The following DSG4 variants were observed in gnomAD, a reference collection of about 807,000 sequenced individuals.
The protein encoded by DSG4 is desmoglein-4.
DSG4 carries 87 observed loss-of-function variants against 93.1 expected under a neutral mutation model. That is an observed-to-expected ratio of 0.93 (90% confidence interval 0.79 to 1.12). The LOEUF is 1.12. Ranked by LOEUF, DSG4 falls within the 50% of genes most tolerant of loss-of-function variation. The pLI, the probability that DSG4 is intolerant of heterozygous loss-of-function variation, is 0.00. For synonymous variants in DSG4, 432 were observed against 452.9 expected (o/e 0.95, Z 0.59); for missense variants, 1,373 against 1,285.7 (o/e 1.07, Z -1.04).
chr18:31,403,487 A>T lies in DSG4; in HGVS notation c.1489A>T (p.Ile497Phe). The change falls in exon 11 of 16, where the codon ATT becomes TTT. Residue 497 changes from isoleucine (I) to phenylalanine (F), a missense_variant. By Grantham distance (21) the Ile-to-Phe change is conservative. Transcript: ENST00000308128. Reference sequence around the variant, plus strand: ...TGATATCAATGATTATTGTCCAAACATTTTTCCTGAAAGAAGAACCATCTG... The same window carrying T: ...TGATATCAATGATTATTGTCCAAACTTTTTTCCTGAAAGAAGAACCATCTG... ...VPDINDYCPNIFPERRTICID... is the reference protein window; with the variant it reads ...VPDINDYCPNFFPERRTICID... 6.2e-7 allele frequency: 1 copy of T among 1,613,924 alleles called. No individual in the cohort carries two copies. Among genetic ancestry groups the T allele is most frequent in the Non-Finnish European group, 8.5e-7 (1 of 1,179,946 alleles).
chr18:31,388,520 T>C lies in DSG4; in HGVS notation c.370T>C (p.Leu124=), dbSNP rs1230574458. ...VVDREITPLF[L]IYCRALNSRG... ...AGACAGAGAAATAACTCCACTTTTC[T>C]TGGTAAGTCATAGCCATATGTTTTG... The change falls in exon 4 of 16, where the codon TTG becomes CTG. Residue 124 remains leucine, a splice_region_variant and synonymous_variant. Coordinates refer to ENST00000308128, the MANE Select transcript of DSG4 (RefSeq NM_177986.5). 1.9e-6 allele frequency: 3 copies of C among 1,613,354 alleles called. No individual in the cohort carries two copies. Among genetic ancestry groups the C allele is most frequent in the South Asian group, 1.1e-5 (1 of 91,068 alleles).
At chr18:31,394,350 G>A (rs970892545) in intron 8 of DSG4, among the ~76,000 whole-genome samples, 2 of 152,252 alleles carry the variant, frequency 1.3e-5, no homozygotes, top group African/African-American at 2.4e-5. Context: ...GGCCAAGGCG[G>A]GCAGATCACC....
intron 12 of DSG4, among the ~76,000 whole-genome samples, chr18:31,408,456 C>T (rs532146307): frequency 6.6e-6 from 1 of 152,306 alleles, no homozygotes; most frequent in South Asian, 2.1e-4. Context: ...TTTCACTGTT[C>T]ATAGTGCAGA....
rs769113109 is a variant in DSG4, at chr18:31,406,204, T to C, written c.1764T>C (p.Asp588=). ...AAATGGTGCAGTTATATGCCTGTGA[T>C]TGCGATGACAACCACATGTGCCTGG... The part of the protein sequence containing the change: ...LAQMVQLYAC[D]CDDNHMCLDS... The change falls in exon 12 of 16, where the codon GAT becomes GAC. Residue 588 remains aspartate, a synonymous_variant. Transcript: ENST00000308128. 1.2e-6 allele frequency: 2 copies of C among 1,614,166 alleles called. No individual in the cohort carries two copies. The highest frequency in any genetic ancestry group is 4.5e-5 in the East Asian group (2 of 44,864).
intron 15 of DSG4, among the ~76,000 whole-genome samples, chr18:31,411,986 T>C (rs974312940): frequency 3.9e-5 from 6 of 152,184 alleles, no homozygotes; most frequent in Non-Finnish European, 7.3e-5. Context: ...CCAACTGACC[T>C]TCACTACGAA....
intron 8 of DSG4, among the ~76,000 whole-genome samples, chr18:31,394,322 A>G (rs1360876265): frequency 6.6e-6 from 1 of 152,228 alleles, no homozygotes; most frequent in African/African-American, 2.4e-5. Context: ...TCACGTCTGT[A>G]ATCCCAGCAC....
In DSG4 at chr18:31,403,468, C is replaced by T. The variant is rs141875439; in HGVS notation, c.1470C>T (p.Ile490=). ...CCATATGTATTGAGGTTCCTGATATCAATGATTATTGTCCAAACATTTTTC... is the reference window on the plus strand; with the variant it reads ...CCATATGTATTGAGGTTCCTGATATTAATGATTATTGTCCAAACATTTTTC... ...TGTICIEVPD[I]NDYCPNIFPE... Residue 490 remains isoleucine (I), a synonymous_variant, in exon 11 of 16, where the codon ATC becomes ATT. Transcript: ENST00000308128. 6.2e-7 allele frequency: 1 copy of T among 1,613,866 alleles called. No homozygotes were observed. Among genetic ancestry groups the T allele is most frequent in the Admixed American group, 1.7e-5 (1 of 59,982 alleles).
chr18:31,396,421 T>A (rs2072306671), intron 8 of DSG4, among the ~76,000 whole-genome samples: 1 of 140,720 alleles, frequency 7.1e-6, no homozygotes, highest in Non-Finnish European at 1.5e-5. Flanking sequence ...TGGAGTGCAG[T>A]GGTGTGATCA....
At chr18:31,400,407 A>G (rs1313928912) in intron 9 of DSG4, among the ~76,000 whole-genome samples, 2 of 152,192 alleles carry the variant, frequency 1.3e-5, no homozygotes, top group African/African-American at 4.8e-5. Flanking sequence ...CTTTAAATCT[A>G]TCATCTGTAA....
chr18:31,403,306 C>A, intron 10 of DSG4, 110 bp from the exon 11 acceptor site: 1 of 936,044 alleles, frequency 1.1e-6, no homozygotes, highest in Non-Finnish European at 1.7e-6. Context: ...TCAAGCCTCC[C>A]AAGTCACGTA....
At chr18:31,396,203 C>CA (rs910771947) in intron 8 of DSG4, among the ~76,000 whole-genome samples, 16 of 151,682 alleles carry the variant, frequency 1.1e-4, no homozygotes, top group African/African-American at 3.1e-4. Flanking sequence ...GGAATTCTAA[C>CA]AAAAAAATTG....
At chr18:31,412,322 C>T (rs543165903) in intron 15 of DSG4, among the ~76,000 whole-genome samples, 1 of 152,164 alleles carries the variant, frequency 6.6e-6, no homozygotes, top group East Asian at 1.9e-4. Context: ...AAGGAAAAAC[C>T]GAACTCATGG....
chr18:31,405,043 A>T lies in DSG4; in HGVS notation c.1637-1034A>T, dbSNP rs1260732936. 2.0e-5 allele frequency among the ~76,000 whole-genome samples: 3 copies of T among 152,204 alleles called. No homozygotes were observed. The South Asian group carries it at 6.2e-4, about 31-fold the overall frequency. On this transcript the variant is annotated intron_variant, in intron 11 of 15. Transcript: ENST00000308128. ...ACTTAATGTGCTGTGGCATTGCCTT[A>T]TCTCATTTTTACCTTGTGCACAGGT...
At chr18:31,401,971 T>A (rs924643717) in intron 10 of DSG4, among the ~76,000 whole-genome samples, 1 of 152,254 alleles carries the variant, frequency 6.6e-6, no homozygotes, top group South Asian at 2.1e-4. Flanking sequence ...GTCAGTTTTA[T>A]AAATAACATT....
intron 5 of DSG4, among the ~76,000 whole-genome samples, chr18:31,389,641 C>G (rs1297199233): frequency 6.6e-6 from 1 of 152,074 alleles, no homozygotes. Flanking sequence ...TCTCCTCTCC[C>G]TTTGCCTTCT....
chr18:31,409,238 T>C (rs2072458861), intron 12 of DSG4, among the ~76,000 whole-genome samples: 1 of 152,232 alleles, frequency 6.6e-6, no homozygotes, highest in Non-Finnish European at 1.5e-5. Context: ...CCTTGCCATC[T>C]AGCGCTAAAG....
At position 31,413,625 on chromosome 18, in the gene DSG4, AC is replaced by A; in HGVS notation, c.*32del. On this transcript the variant is annotated 3_prime_UTR_variant, in exon 16 of 16. Transcript: ENST00000308128. ...TTTATGGTCAGTATTCTATGTGGAG[AC>A]CTTGCACCTTGTAATCATCAATACA... The A allele has an allele frequency of 6.2e-7, 1 of 1,608,080 alleles. No homozygotes were observed. Among genetic ancestry groups the A allele is most frequent in the Non-Finnish European group, 8.5e-7 (1 of 1,179,210 alleles).
chr18:31,377,056 A>G (rs2072085145), intron 1 of DSG4, 97 bp downstream of exon 1: 1 of 1,308,334 alleles, frequency 7.6e-7, no homozygotes, highest in African/African-American at 1.5e-5. Flanking sequence ...TCCATTTTTA[A>G]TCTCCTTCCT....
intron 1 of DSG4, among the ~76,000 whole-genome samples, chr18:31,377,370 C>T (rs180810489): frequency 6.6e-6 from 1 of 152,206 alleles, no homozygotes; most frequent in East Asian, 1.9e-4. Context: ...AGTTATTTCC[C>T]TATGAGTTTC....
Sources: allele counts gnomAD v4.1 joint callset (sites outside exome capture counted in the v4.1 genomes callset), GRCh38; gene constraint gnomAD v4.1.1; transcripts MANE v1.5; gene names NCBI Gene and HGNC (gene_info 2026-07-23, HGNC 2026-07-21).